The following TMEM232 variants were observed in gnomAD, a reference collection of about 807,000 sequenced individuals.
The protein encoded by TMEM232 is transmembrane protein 232.
TMEM232 carries 80 observed loss-of-function variants against 78.8 expected under a neutral mutation model. The observed-to-expected ratio is 1.01, with a 90% CI of 0.85 to 1.22. The LOEUF is 1.22. Among genes scored for constraint, TMEM232 ranks in the 50% most tolerant of loss-of-function variants. TMEM232 has a pLI of 0.00. For synonymous variants in TMEM232, 297 were observed against 254.3 expected, an observed-to-expected ratio of 1.17 and a Z score of -1.60; for missense variants, 881 against 742.2, an observed-to-expected ratio of 1.19 and a Z score of -2.17.
chr5:110,667,979 C>T (rs1790823959), intron 1 of TMEM232, among the ~76,000 whole-genome samples: 1 of 152,016 alleles, frequency 6.6e-6, no homozygotes, highest in Admixed American at 6.6e-5. Context: ...AAAACTAAGA[C>T]ATCCTATTTG....
At chr5:110,622,543 A>G (rs1053234481) in intron 7 of TMEM232, among the ~76,000 whole-genome samples, 21 of 152,116 alleles carry the variant, frequency 1.4e-4, no homozygotes, top group African/African-American at 4.1e-4. Flanking sequence ...ATGGCTGCAT[A>G]GTATTCCATG....
intron 12 of TMEM232, among the ~76,000 whole-genome samples, chr5:110,527,445 T>C (rs1035978658): frequency 2.6e-5 from 4 of 151,936 alleles, no homozygotes; most frequent in African/African-American, 4.8e-5. Context: ...CATAAGAAAG[T>C]ATATATTCAG....
intron 8 of TMEM232, among the ~76,000 whole-genome samples, chr5:110,615,709 C>G (rs1179300396): frequency 1.3e-5 from 2 of 151,818 alleles, no homozygotes; most frequent in Non-Finnish European, 2.9e-5. Context: ...GTTTGCTGAC[C>G]AAATGATCTT....
intron 2 of TMEM232, among the ~76,000 whole-genome samples, chr5:110,406,670 C>A (rs1285924383): frequency 6.6e-6 from 1 of 152,044 alleles, no homozygotes; most frequent in African/African-American, 2.4e-5. Flanking sequence ...AAATTAAGTA[C>A]ATGAGCAAAC....
At chr5:110,711,699 C>A (rs1220722020) in intron 1 of TMEM232, among the ~76,000 whole-genome samples, 1 of 152,026 alleles carries the variant, frequency 6.6e-6, no homozygotes, top group African/African-American at 2.4e-5. Flanking sequence ...ACAGTCTCTT[C>A]AATAAGTAGT....
At chr5:110,398,085 C>G (rs1755456353) in intron 2 of TMEM232, among the ~76,000 whole-genome samples, 1 of 152,008 alleles carries the variant, frequency 6.6e-6, no homozygotes, top group African/African-American at 2.4e-5. Flanking sequence ...TTCAAATTAC[C>G]CTATTACCAA....
intron 12 of TMEM232, among the ~76,000 whole-genome samples, chr5:110,470,540 G>A (rs567892606): frequency 1.3e-5 from 2 of 152,172 alleles, no homozygotes; most frequent in Middle Eastern, 3.4e-3. Flanking sequence ...CCCATTGTGG[G>A]AAATAAAAAA....
chr5:110,394,179 C>T (rs996061206), intron 3 of TMEM232, among the ~76,000 whole-genome samples: 1 of 152,142 alleles, frequency 6.6e-6, no homozygotes, highest in African/African-American at 2.4e-5. Flanking sequence ...CTAGCTTCCA[C>T]AAATAAATGA....
intron 1 of TMEM232, among the ~76,000 whole-genome samples, chr5:110,688,117 G>GTT (rs1793655885): frequency 6.7e-6 from 1 of 148,720 alleles, no homozygotes. Context: ...GTGTGTGTGT[G>GTT]TGTAATTTTT....
chr5:110,635,156 A>G (rs1414740269), intron 5 of TMEM232, among the ~76,000 whole-genome samples: 1 of 152,010 alleles, frequency 6.6e-6, no homozygotes, highest in African/African-American at 2.4e-5. Context: ...AGAACCTGAC[A>G]ATACCAATGA....
chr5:110,506,867 T>C (rs551802900), intron 12 of TMEM232, among the ~76,000 whole-genome samples: 258 of 152,316 alleles, frequency 1.7e-3, no homozygotes, highest in African/African-American at 5.8e-3. Flanking sequence ...TGTAGTGTTC[T>C]GTCTATATAT....
chr5:110,431,703 T>C (rs968315028), intron 12 of TMEM232, among the ~76,000 whole-genome samples: 1 of 151,720 alleles, frequency 6.6e-6, no homozygotes, highest in African/African-American at 2.4e-5. Context: ...AATTCACATA[T>C]TACTTATAGA....
intron 2 of TMEM232, among the ~76,000 whole-genome samples, chr5:110,406,464 A>G (rs1755798545): frequency 6.6e-6 from 1 of 152,036 alleles, no homozygotes; most frequent in Non-Finnish European, 1.5e-5. Context: ...TAAATATCCA[A>G]TTACTGATTC....
At chr5:110,725,921 T>C (rs1295850130) in intron 1 of TMEM232, 3 of 93,358 alleles carry the variant, frequency 3.2e-5, no homozygotes, top group Non-Finnish European at 6.6e-5. Context: ...AGCAAATTAT[T>C]TGACCAACCA....
intron 8 of TMEM232, among the ~76,000 whole-genome samples, chr5:110,611,810 C>T (rs752780802): frequency 1.3e-5 from 2 of 152,048 alleles, no homozygotes; most frequent in Non-Finnish European, 2.9e-5. Flanking sequence ...AAGCTACAAT[C>T]GTCAAGAGAC....
intron 12 of TMEM232, among the ~76,000 whole-genome samples, chr5:110,489,719 T>G (rs1214833427): frequency 6.6e-6 from 1 of 152,106 alleles, no homozygotes; most frequent in Non-Finnish European, 1.5e-5. Context: ...CTATTTTTGT[T>G]TGCAGATGGT....
At chr5:110,655,031 A>G (rs1002760916) in intron 2 of TMEM232, among the ~76,000 whole-genome samples, 8 of 152,180 alleles carry the variant, frequency 5.3e-5, no homozygotes, top group Non-Finnish European at 1.0e-4. Context: ...AAGCAATGGT[A>G]ACAAAAGCCA....
chr5:110,681,511 T>C, intron 1 of TMEM232, among the ~76,000 whole-genome samples: 1 of 152,198 alleles, frequency 6.6e-6, no homozygotes, highest in Admixed American at 6.5e-5. Flanking sequence ...ATTCTCCATA[T>C]TGTAGGGTGT....
At chr5:110,443,189 C>T (rs1371075610) in intron 12 of TMEM232, among the ~76,000 whole-genome samples, 3 of 152,186 alleles carry the variant, frequency 2.0e-5, no homozygotes, top group African/African-American at 7.2e-5. Context: ...CCCCCCGCTC[C>T]TGGGAAGGTC....
Sources: gnomAD v4.1 joint callset for allele counts (sites outside exome capture counted in the v4.1 genomes callset) on GRCh38, gnomAD v4.1.1 for gene constraint, MANE v1.5 for transcripts, NCBI Gene and HGNC (gene_info 2026-07-23, HGNC 2026-07-21) for gene names.